The following IGF1R variants were observed in gnomAD, a reference collection of about 807,000 sequenced individuals.
The protein encoded by IGF1R is insulin-like growth factor 1 receptor.
A neutral mutation model predicts 144.6 loss-of-function variants in IGF1R; 44 were observed. The ratio of observed to expected loss-of-function variants is 0.30; its 90% confidence interval spans 0.24 to 0.39. The LOEUF (loss-of-function observed/expected upper bound fraction) is 0.39. IGF1R is among the 10% of genes least tolerant of loss of function. The pLI is 1.00. For missense variants in IGF1R, 1,355 were observed against 1,833.7 expected (o/e 0.74, Z 4.77); for synonymous variants, 795 against 722.8 (o/e 1.10, Z -1.60).
chr15:98,900,714 CCA>C (rs1293297106), intron 5 of IGF1R: 1 of 152,202 alleles, frequency 6.6e-6, no homozygotes, highest in Non-Finnish European at 1.5e-5. Context: ...GCACCCAGCC[CCA>C]GACTCCTCAG....
chr15:98,713,774 CAAAA>C (rs568760052), intron 2 of IGF1R, among the ~76,000 whole-genome samples: 3 of 151,822 alleles, frequency 2.0e-5, no homozygotes, highest in African/African-American at 7.3e-5. Context: ...CACTTTCCCA[CAAAA>C]AAAACCCCAA....
intron 5 of IGF1R, among the ~76,000 whole-genome samples, chr15:98,901,202 C>G (rs923556384): frequency 1.3e-5 from 2 of 152,148 alleles, no homozygotes; most frequent in African/African-American, 4.8e-5. Context: ...CCAGGTAAGC[C>G]CGGGCCCCTG....
intron 2 of IGF1R, among the ~76,000 whole-genome samples, chr15:98,733,394 A>G (rs541259571): frequency 4.7e-4 from 71 of 152,018 alleles, no homozygotes; most frequent in African/African-American, 1.7e-3. Context: ...CTAATTTTTA[A>G]TAGAGATGGG....
Position 98,924,576 on chromosome 15 carries a change from A to C in IGF1R, c.2674A>C (p.Lys892Gln), listed in dbSNP as rs2015629539. The change falls in exon 13 of 21, where the codon AAG (lysine) becomes CAG (glutamine). Residue 892 changes from lysine (K) to glutamine (Q), a missense_variant. By Grantham distance (53) the Lys-to-Gln change is moderately conservative (BLOSUM62 1). This residue lies in a region of IGF1R where 880 missense variants were observed against 1,202.7 expected (regional missense o/e 0.73). Transcript: ENST00000650285. Reference protein sequence around the residue: ...RQEYRKYGGAKLNRLNPGNYT... With the variant: ...RQEYRKYGGAQLNRLNPGNYT... The stretch of plus-strand genomic sequence containing the variant: ...GGAATACAGGAAGTATGGAGGGGCC[A>C]AGCTAAACCGGCTAAACCCGGGGAA... The C allele has an allele frequency of 1.2e-6, 2 of 1,614,132 alleles. No homozygotes were observed. The highest frequency in any genetic ancestry group is 1.7e-6 in the Non-Finnish European group (2 of 1,179,990).
intron 2 of IGF1R, among the ~76,000 whole-genome samples, chr15:98,870,647 T>C (rs929378642): frequency 2.0e-5 from 3 of 152,192 alleles, no homozygotes; most frequent in Non-Finnish European, 2.9e-5. Context: ...GATTTAGTAC[T>C]GTCAGCGCTT....
intron 2 of IGF1R, chr15:98,820,761 C>T (rs1490046425): frequency 5.3e-5 from 8 of 152,212 alleles, no homozygotes; most frequent in African/African-American, 2.4e-5. Context: ...AATTTAATGA[C>T]ATGGGTAATA....
At chr15:98,902,010 G>A (rs1436919326) in intron 5 of IGF1R, among the ~76,000 whole-genome samples, 1 of 152,180 alleles carries the variant, frequency 6.6e-6, no homozygotes, top group Non-Finnish European at 1.5e-5. Flanking sequence ...GAATAGAGGA[G>A]TGTTAGCAGA....
rs1297113721 is a variant in IGF1R at position 98,961,231 on chromosome 15, C to G, written c.*3789C>G. On this transcript the variant is annotated 3_prime_UTR_variant, in exon 21 of 21. Transcript: ENST00000650285. ...AACGGCCTCTCCTCTCGTGCACATA[C>G]CTACCGGTTTCCACAACTGGATTTC... The G allele has an allele frequency of 4.3e-6, 1 of 233,510 alleles. No individual in the cohort carries two copies. Among genetic ancestry groups the G allele is most frequent in the Non-Finnish European group, 8.5e-6 (1 of 117,980 alleles). The allele number at this position is 233,510 out of a possible 1,614,324, so 14.5% of individuals were successfully genotyped here. A position where few individuals can be genotyped will look rare whatever the true frequency, so the allele number is the denominator to read the frequency against.
intron 2 of IGF1R, among the ~76,000 whole-genome samples, chr15:98,877,489 C>CTTT (rs5814908): frequency 0.021 from 1,764 of 85,082 alleles, 25 homozygotes; most frequent in African/African-American, 0.049. Context: ...CACTAGCAGC[C>CTTT]TTTTTTTTTT....
intron 19 of IGF1R, among the ~76,000 whole-genome samples, chr15:98,946,203 C>T (rs773792381): frequency 5.3e-4 from 24 of 45,518 alleles, no homozygotes; most frequent in Admixed American, 3.5e-3. Context: ...CGGGGCGGGG[C>T]GGGGCAGGGG....
In IGF1R at chr15:98,963,825, A is replaced by C. The variant is rs1471745846; in HGVS notation, c.*6383A>C. The C allele has an allele frequency of 4.3e-6, 1 of 232,644 alleles. No homozygotes were observed. The highest frequency in any genetic ancestry group is 8.5e-6 in the Non-Finnish European group (1 of 117,674). 14.4% of individuals were successfully genotyped at this position (232,644 alleles called of 1,614,324 possible). ...ATTTTTAATAAAAACTATAACATAC[A>C]CAAAAATTGGTTTTAAAGTTGACTC... On this transcript the variant is annotated 3_prime_UTR_variant, in exon 21 of 21. Transcript: ENST00000650285.
chr15:98,652,707 A>G (rs1044613138), intron 1 of IGF1R, among the ~76,000 whole-genome samples: 2 of 152,194 alleles, frequency 1.3e-5, no homozygotes, highest in African/African-American at 4.8e-5. Context: ...GTCTAGAATA[A>G]ACAAATCCAT....
chr15:98,664,792 T>C (rs990805608), intron 1 of IGF1R, among the ~76,000 whole-genome samples: 2 of 151,570 alleles, frequency 1.3e-5, no homozygotes, highest in African/African-American at 4.9e-5. Context: ...TTATAAACAC[T>C]AGGAGTTAGC....
At chr15:98,836,331 C>G (rs1037357473) in intron 2 of IGF1R, among the ~76,000 whole-genome samples, 1 of 151,892 alleles carries the variant, frequency 6.6e-6, no homozygotes, top group Non-Finnish European at 1.5e-5. Context: ...GAGTTTGAGA[C>G]CAAGCTGTGA....
intron 2 of IGF1R, among the ~76,000 whole-genome samples, chr15:98,744,949 T>C (rs142736097): frequency 8.9e-4 from 135 of 152,228 alleles, no homozygotes; most frequent in Non-Finnish European, 1.4e-3. Context: ...GCTCCTTTCC[T>C]CCTGTTCTGC....
intron 20 of IGF1R, among the ~76,000 whole-genome samples, chr15:98,949,678 T>C (rs1430706035): frequency 1.3e-5 from 2 of 152,170 alleles, no homozygotes; most frequent in African/African-American, 4.8e-5. Context: ...GCAACCCCAC[T>C]TATTTTGAAA....
chr15:98,737,788 AG>A (rs768524859), intron 2 of IGF1R, among the ~76,000 whole-genome samples: 1 of 151,898 alleles, frequency 6.6e-6, no homozygotes, highest in East Asian at 1.9e-4. Flanking sequence ...GGAGGTGTGG[AG>A]GGGGAAGGGG....
chr15:98,726,684 T>A (rs905523616), intron 2 of IGF1R, among the ~76,000 whole-genome samples: 1 of 151,842 alleles, frequency 6.6e-6, no homozygotes, highest in African/African-American at 2.4e-5. Flanking sequence ...ATTCCCCTCC[T>A]TAGGCAGAAT....
intron 2 of IGF1R, among the ~76,000 whole-genome samples, chr15:98,809,540 G>C (rs910826041): frequency 6.6e-6 from 1 of 152,322 alleles, no homozygotes; most frequent in Non-Finnish European, 1.5e-5. Context: ...CTGGCAGCGC[G>C]TTGGCATTTT....
Sources: gnomAD v4.1 joint callset for allele counts (sites outside exome capture counted in the v4.1 genomes callset) on GRCh38, gnomAD v4.1.1 for gene constraint, gnomAD v4.1.1 regional missense constraint, MANE v1.5 for transcripts, NCBI Gene and HGNC (gene_info 2026-07-23, HGNC 2026-07-21) for gene names.